Variants in DGKB observed in about 807,000 individuals in gnomAD.
DGKB encodes diacylglycerol kinase beta.
A neutral mutation model predicts 114.3 loss-of-function variants in DGKB; 67 were observed. The observed-to-expected ratio is 0.59, with a 90% CI of 0.48 to 0.72. The LOEUF is 0.72. Ranked by LOEUF, DGKB falls within the 30% of genes least tolerant of loss-of-function variation. The pLI is 0.00. For missense variants in DGKB, 907 were observed against 975.2 expected, an observed-to-expected ratio of 0.93 and a Z score of 0.93; for synonymous variants, 398 against 323.1, an observed-to-expected ratio of 1.23 and a Z score of -2.49.
rs367578375 is a variant in DGKB, at chr7:14,931,601, G to T, written c.-188+43095C>A. On this transcript the variant is annotated intron_variant, in intron 1 of 4. Coordinates refer to the DGKB transcript ENST00000437998. ...CTGTGCTGAGATCTTGGAATGCGGA[G>T]GGTGGAACAGTCCCCATAGCCACAG... Among the ~76,000 whole-genome samples, 20 of 152,240 alleles carry T rather than the reference G, an allele frequency of 1.3e-4. No individual in the cohort carries two copies. The East Asian group carries it at 3.3e-3, about 25-fold the overall frequency.
chr7:14,786,048 G>A (rs528750431), intron 2 of DGKB, among the ~76,000 whole-genome samples: 97 of 149,698 alleles, frequency 6.5e-4, no homozygotes, highest in African/African-American at 1.8e-3. Flanking sequence ...CCTTTTTTTC[G>A]TCTTCATGAC....
At chr7:14,839,909 T>C (rs1038769792) in intron 2 of DGKB, among the ~76,000 whole-genome samples, 1 of 152,132 alleles carries the variant, frequency 6.6e-6, no homozygotes, top group East Asian at 1.9e-4. Flanking sequence ...CATACCCTCA[T>C]TCAATCCACA....
chr7:14,856,888 A>G (rs984388032), intron 1 of DGKB, among the ~76,000 whole-genome samples: 5 of 152,170 alleles, frequency 3.3e-5, no homozygotes, highest in African/African-American at 1.2e-4. Context: ...GTATTTGCCC[A>G]TAAATGAGTA....
At chr7:14,153,770 C>T (rs1782572646) in intron 25 of DGKB, among the ~76,000 whole-genome samples, 1 of 151,936 alleles carries the variant, frequency 6.6e-6, no homozygotes, top group Non-Finnish European at 1.5e-5. Context: ...AAAAATAGGT[C>T]ACTTACAGAA....
chr7:14,259,712 C>A (rs1282698848), intron 23 of DGKB, among the ~76,000 whole-genome samples: 1 of 152,200 alleles, frequency 6.6e-6, no homozygotes, highest in Non-Finnish European at 1.5e-5. Context: ...AGGCGTGAGC[C>A]ACCGTGCCCA....
rs569895177 is a variant in DGKB at position 14,311,509 on chromosome 7, C to A, written c.2122+27006G>T. The stretch of plus-strand genomic sequence containing the variant: ...TGTTCATGGCCCACTGCAGCCTCCA[C>A]CTCCCTGGGCTCAGGTGATCCTCCC... On this transcript the variant is annotated intron_variant, in intron 23 of 25. Transcript: ENST00000402815. Among the ~76,000 whole-genome samples the A allele has an allele frequency of 3.3e-5, 5 of 152,234 alleles. No individual in the cohort carries two copies. The East Asian group carries it at 7.7e-4, about 24-fold the overall frequency.
At chr7:14,816,614 A>C (rs1237409483) in intron 2 of DGKB, 2 of 152,166 alleles carry the variant, frequency 1.3e-5, no homozygotes, top group African/African-American at 4.8e-5. Flanking sequence ...ACCTCTCTAA[A>C]TCTTAATTTT....
chr7:14,850,956 C>T lies in DGKB; in HGVS notation c.-187-9506G>A, dbSNP rs117980339. On this transcript the variant is annotated intron_variant, in intron 1 of 25. Coordinates refer to ENST00000402815, the MANE Select transcript of DGKB (RefSeq NM_001350709.2). Reference sequence around the variant, plus strand: ...CTATCTGAGCCTCACTTTCCTTTCTCATGAAAAGTAGATAATATCTCCCAC... The same window carrying T: ...CTATCTGAGCCTCACTTTCCTTTCTTATGAAAAGTAGATAATATCTCCCAC... Among the ~76,000 whole-genome samples, 1,264 of 152,224 alleles carry T rather than the reference C, an allele frequency of 8.3e-3. 11 individuals are homozygous for T. The highest frequency in any genetic ancestry group is 0.031 in the Middle Eastern group (9 of 294).
chr7:14,515,921 T>G (rs1259313457), intron 20 of DGKB, among the ~76,000 whole-genome samples: 1 of 152,176 alleles, frequency 6.6e-6, no homozygotes, highest in East Asian at 1.9e-4. Context: ...CATGACTCTC[T>G]GCAGCCTTGA....
At chr7:14,724,826 T>G (rs2128368902) in intron 5 of DGKB, among the ~76,000 whole-genome samples, 1 of 152,306 alleles carries the variant, frequency 6.6e-6, no homozygotes, top group South Asian at 2.1e-4. Context: ...CTTTGGACTC[T>G]TTTTAAAAGC....
chr7:14,700,265 G>GT (rs2129009049), intron 7 of DGKB, among the ~76,000 whole-genome samples: 1 of 149,296 alleles, frequency 6.7e-6, no homozygotes, highest in East Asian at 2.0e-4. Context: ...CCAGGCTGGA[G>GT]TGCAGTGGCA....
chr7:14,358,519 T>C (rs1815045555), intron 21 of DGKB, among the ~76,000 whole-genome samples: 12 of 152,170 alleles, frequency 7.9e-5, no homozygotes. Flanking sequence ...AAATTTTCCC[T>C]GTTTGCGGAT....
intron 25 of DGKB, among the ~76,000 whole-genome samples, chr7:14,173,381 G>A (rs990432194): frequency 1.3e-5 from 2 of 152,012 alleles, no homozygotes; most frequent in Non-Finnish European, 2.9e-5. Flanking sequence ...ACATTTTTAA[G>A]TGTGCAGTTC....
chr7:14,525,787 C>T (rs1055597888), intron 20 of DGKB, among the ~76,000 whole-genome samples: 14 of 151,984 alleles, frequency 9.2e-5, no homozygotes, highest in Non-Finnish European at 1.3e-4. Flanking sequence ...ATTATTTGTT[C>T]GGGTAACTAG....
chr7:14,946,239 T>C (rs1326574382), intron 1 of DGKB, among the ~76,000 whole-genome samples: 1 of 151,720 alleles, frequency 6.6e-6, no homozygotes, highest in Non-Finnish European at 1.5e-5. Context: ...CTTTTGGTTT[T>C]TCACAATCTG....
chr7:14,859,790 A>G (rs1850708397), intron 1 of DGKB, among the ~76,000 whole-genome samples: 1 of 152,058 alleles, frequency 6.6e-6, no homozygotes, highest in Admixed American at 6.6e-5. Context: ...CTAAATGCAA[A>G]TATCTGAAAT....
intron 2 of DGKB, among the ~76,000 whole-genome samples, chr7:14,760,547 A>G (rs1257712809): frequency 1.3e-5 from 2 of 152,058 alleles, no homozygotes; most frequent in East Asian, 3.9e-4. Context: ...AGTTAGCAGA[A>G]CTGCTTTTAC....
intron 23 of DGKB, among the ~76,000 whole-genome samples, chr7:14,294,009 C>T (rs968416312): frequency 3.3e-5 from 5 of 152,126 alleles, no homozygotes; most frequent in East Asian, 1.9e-4. Context: ...AGGTCTCTCT[C>T]GGCTAAAATC....
chr7:14,897,562 G>GT (rs542793945), intron 1 of DGKB, among the ~76,000 whole-genome samples: 21 of 151,880 alleles, frequency 1.4e-4, no homozygotes, highest in African/African-American at 4.6e-4. Context: ...TACTATTTGG[G>GT]TTTTTTTCCC....
Sources: gnomAD v4.1 joint callset for allele counts (sites outside exome capture counted in the v4.1 genomes callset) on GRCh38, gnomAD v4.1.1 for gene constraint, MANE v1.5 for transcripts, NCBI Gene and HGNC (gene_info 2026-07-23, HGNC 2026-07-21) for gene names.